Variants in RPS6KA5 observed in about 807,000 individuals in gnomAD.
RPS6KA5 encodes the protein ribosomal protein S6 kinase alpha-5.
RPS6KA5 carries 27 observed loss-of-function variants against 85.5 expected under a neutral mutation model. The observed-to-expected ratio is 0.32, with a 90% confidence interval of 0.23 to 0.44. The LOEUF (loss-of-function observed/expected upper bound fraction) is 0.44. Ranked by LOEUF, RPS6KA5 falls within the 20% of genes least tolerant of loss-of-function variation. The pLI, the probability that RPS6KA5 is intolerant of heterozygous loss-of-function variation, is 1.00. For missense variants in RPS6KA5, 811 were observed against 980.9 expected, an observed-to-expected ratio of 0.83 and a Z score of 2.31; for synonymous variants, 334 against 348.2, an observed-to-expected ratio of 0.96 and a Z score of 0.46.
At chr14:90,974,878 T>C (rs2039494853) in intron 3 of RPS6KA5, among the ~76,000 whole-genome samples, 1 of 152,228 alleles carries the variant, frequency 6.6e-6, no homozygotes, top group Non-Finnish European at 1.5e-5. Flanking sequence ...AGGTGGTTTG[T>C]TATACAGCAA....
intron 1 of RPS6KA5, among the ~76,000 whole-genome samples, chr14:91,044,410 A>C (rs2042771823): frequency 1.1e-5 from 1 of 92,598 alleles, no homozygotes; most frequent in African/African-American, 4.5e-5. Flanking sequence ...AGAAAGAAAG[A>C]AAGAAAGAAA....
At chr14:90,950,421 C>T (rs1398795010) in intron 3 of RPS6KA5, among the ~76,000 whole-genome samples, 1 of 151,934 alleles carries the variant, frequency 6.6e-6, no homozygotes, top group East Asian at 1.9e-4. Context: ...CTTTTCTTGC[C>T]TACAATGTTG....
At chr14:91,024,536 G>A (rs546545923) in intron 1 of RPS6KA5, among the ~76,000 whole-genome samples, 1 of 152,134 alleles carries the variant, frequency 6.6e-6, no homozygotes, top group South Asian at 2.1e-4. Flanking sequence ...AGTTTAGTGA[G>A]GTTCACTTTG....
chr14:90,863,683 G>C lies in RPS6KA5; in HGVS notation c.*8391C>G, dbSNP rs1449731186. 2.0e-5 allele frequency: 3 copies of C among 152,086 alleles called. No individual in the cohort carries two copies. Among genetic ancestry groups the C allele is most frequent in the Non-Finnish European group, 1.5e-5 (1 of 68,000 alleles). The allele number at this position is 152,086 out of a possible 1,614,324, so 9.4% of individuals were successfully genotyped here. ...ATAAAGTAAAACTGTCAAAAACCTA[G>C]ATATAAATCTAACCTCTACATGTAA... On this transcript the variant is annotated 3_prime_UTR_variant, in exon 17 of 17. Coordinates refer to ENST00000614987, the MANE Select transcript of RPS6KA5 (RefSeq NM_004755.4).
intron 1 of RPS6KA5, among the ~76,000 whole-genome samples, chr14:91,039,301 A>G (rs1017306189): frequency 1.3e-5 from 2 of 152,202 alleles, no homozygotes; most frequent in Non-Finnish European, 2.9e-5. Context: ...TTCTAGAACC[A>G]TGGTAGATAA....
intron 3 of RPS6KA5, among the ~76,000 whole-genome samples, chr14:90,964,806 T>C (rs2038974536): frequency 6.6e-6 from 1 of 150,652 alleles, no homozygotes; most frequent in African/African-American, 2.4e-5. Flanking sequence ...TCCCAGCTAC[T>C]TGGGAGGCTG....
At chr14:90,991,495 A>G (rs2040303311) in intron 2 of RPS6KA5, among the ~76,000 whole-genome samples, 1 of 152,150 alleles carries the variant, frequency 6.6e-6, no homozygotes, top group Non-Finnish European at 1.5e-5. Flanking sequence ...TGAGGTCAGG[A>G]GTTTGAGACC....
At chr14:91,059,812 T>C (rs1179282661) in intron 1 of RPS6KA5, among the ~76,000 whole-genome samples, 2 of 152,148 alleles carry the variant, frequency 1.3e-5, no homozygotes, top group Non-Finnish European at 2.9e-5. Flanking sequence ...CTGGACTCGG[T>C]AAAAGCCCGA....
intron 1 of RPS6KA5, among the ~76,000 whole-genome samples, chr14:91,052,976 C>T (rs974145401): frequency 1.3e-5 from 2 of 151,642 alleles, no homozygotes; most frequent in Non-Finnish European, 1.5e-5. Flanking sequence ...TAATAAAATA[C>T]AAGCAAACTG....
At chr14:90,875,086 T>C in intron 15 of RPS6KA5, 115 bp downstream of exon 15, 2 of 1,039,572 alleles carry the variant, frequency 1.9e-6, no homozygotes, top group South Asian at 3.3e-5. Flanking sequence ...TGGAAGCCTT[T>C]TAGAATACAC....
At chr14:90,966,198 T>C (rs545772664) in intron 3 of RPS6KA5, among the ~76,000 whole-genome samples, 1 of 152,184 alleles carries the variant, frequency 6.6e-6, no homozygotes, top group East Asian at 1.9e-4. Flanking sequence ...TTGAGGGAAG[T>C]GGCTTAGAAA....
intron 3 of RPS6KA5, among the ~76,000 whole-genome samples, chr14:90,949,796 C>G (rs2038078497): frequency 6.6e-6 from 1 of 152,088 alleles, no homozygotes. Flanking sequence ...TTACTTGGGA[C>G]AAAGTGCTTT....
chr14:91,048,615 G>C (rs2042957704), intron 1 of RPS6KA5, among the ~76,000 whole-genome samples: 1 of 152,120 alleles, frequency 6.6e-6, no homozygotes, highest in South Asian at 2.1e-4. Flanking sequence ...TGAACCGAGA[G>C]GGACACTGCT....
chr14:91,060,073 T>A (rs2043579192), intron 1 of RPS6KA5: 1 of 985,240 alleles, frequency 1.0e-6, no homozygotes, highest in African/African-American at 1.7e-5. Flanking sequence ...CGGGCAGCGG[T>A]CGGCGGCTGC....
At chr14:90,999,474 G>A (rs1386255749) in intron 2 of RPS6KA5, among the ~76,000 whole-genome samples, 1 of 152,102 alleles carries the variant, frequency 6.6e-6, no homozygotes, top group Admixed American at 6.6e-5. Context: ...GGTCTTCCAG[G>A]AAAAGAGATC....
chr14:90,875,098 T>C (rs1009642822), intron 15 of RPS6KA5, 103 bp downstream of exon 15: 7 of 1,149,000 alleles, frequency 6.1e-6, no homozygotes, highest in South Asian at 4.6e-5. Flanking sequence ...AGAATACACA[T>C]GGATTCCTCG....
chr14:90,954,866 T>C (rs1015072970), intron 3 of RPS6KA5, among the ~76,000 whole-genome samples: 3 of 152,248 alleles, frequency 2.0e-5, no homozygotes, highest in African/African-American at 7.2e-5. Flanking sequence ...TGAAATAACA[T>C]AAATAACAAA....
chr14:91,028,950 A>AT (rs1321899188), intron 1 of RPS6KA5, among the ~76,000 whole-genome samples: 2 of 152,254 alleles, frequency 1.3e-5, no homozygotes, highest in African/African-American at 4.8e-5. Context: ...CTGAAGTAAT[A>AT]TATCTGAAGG....
At chr14:90,947,616 T>A in intron 3 of RPS6KA5, 66 bp from the exon 4 acceptor site, 1 of 948,648 alleles carries the variant, frequency 1.1e-6, no homozygotes, top group Non-Finnish European at 1.7e-6. Context: ...TGTTTCCTTT[T>A]AATCACTTTG....
Sources: allele counts gnomAD v4.1 joint callset (sites outside exome capture counted in the v4.1 genomes callset), GRCh38; gene constraint gnomAD v4.1.1; transcripts MANE v1.5; gene names NCBI Gene and HGNC (gene_info 2026-07-23, HGNC 2026-07-21).